Variants in AFF1 observed in about 807,000 individuals in gnomAD.
AFF1 encodes the protein ALF transcription elongation factor 1.
A neutral mutation model predicts 121.7 loss-of-function variants in AFF1; 48 were observed. The ratio of observed to expected loss-of-function variants is 0.39; its 90% CI spans 0.31 to 0.50. The LOEUF is 0.50. Among genes scored for constraint, AFF1 ranks in the 20% least tolerant of loss-of-function variants. The pLI is 0.76. For synonymous variants in AFF1, 613 were observed against 563.0 expected, an observed-to-expected ratio of 1.09 and a Z score of -1.26; for missense variants, 1,523 against 1,511.7, an observed-to-expected ratio of 1.01 and a Z score of -0.12.
chr4:86,940,979 T>C (rs768561809), intron 1 of AFF1, among the ~76,000 whole-genome samples: 2 of 151,922 alleles, frequency 1.3e-5, no homozygotes, highest in Non-Finnish European at 1.5e-5. Context: ...TCCCAGCTAC[T>C]TGGGAGGCTG....
At chr4:87,057,896 C>G (rs1720311500) in intron 4 of AFF1, among the ~76,000 whole-genome samples, 1 of 151,922 alleles carries the variant, frequency 6.6e-6, no homozygotes, top group African/African-American at 2.4e-5. Flanking sequence ...CTTCAACATC[C>G]CCCCGCCCAC....
intron 2 of AFF1, among the ~76,000 whole-genome samples, chr4:86,971,192 A>G (rs1560509258): frequency 6.6e-6 from 1 of 152,240 alleles, no homozygotes; most frequent in Non-Finnish European, 1.5e-5. Flanking sequence ...GCACAGGAAC[A>G]TAAAACACTG....
At chr4:87,007,411 G>C in intron 2 of AFF1, 1 of 1,614,110 alleles carries the variant, frequency 6.2e-7, no homozygotes. Context: ...CTGAATTATG[G>C]CAGCCCAGTC....
intron 5 of AFF1, among the ~76,000 whole-genome samples, chr4:87,089,226 G>GT (rs1724052267): frequency 6.6e-6 from 1 of 152,146 alleles, no homozygotes; most frequent in Admixed American, 6.5e-5. Flanking sequence ...GTTTGTGTGT[G>GT]TATGTGTATT....
At chr4:86,949,180 ATT>A (rs34958148) in intron 2 of AFF1, among the ~76,000 whole-genome samples, 23,527 of 137,580 alleles carry the variant, frequency 0.17, 2,094 homozygotes, top group East Asian at 0.31. Flanking sequence ...ATATATATAT[ATT>A]TTTTTTTTTT....
chr4:86,949,504 C>A (rs973290630), intron 2 of AFF1, among the ~76,000 whole-genome samples: 20 of 146,006 alleles, frequency 1.4e-4, no homozygotes, highest in Non-Finnish European at 2.9e-4. Context: ...TTACTTTTAT[C>A]ATAATTTCTA....
At chr4:86,973,040 C>CA (rs1219154208) in intron 2 of AFF1, among the ~76,000 whole-genome samples, 19 of 152,150 alleles carry the variant, frequency 1.2e-4, no homozygotes, top group Admixed American at 3.9e-4. Context: ...TGAAAAAGGA[C>CA]AATCTCTGGG....
chr4:87,116,710 G>GT (rs1402478329), intron 12 of AFF1, among the ~76,000 whole-genome samples: 1 of 152,220 alleles, frequency 6.6e-6, no homozygotes, highest in Non-Finnish European at 1.5e-5. Context: ...TTGCCGCCAT[G>GT]TTTGCAGCAG....
intron 4 of AFF1, among the ~76,000 whole-genome samples, chr4:87,069,713 C>T (rs1440910197): frequency 6.6e-6 from 1 of 151,430 alleles, no homozygotes; most frequent in Non-Finnish European, 1.5e-5. Flanking sequence ...GAAAATATAA[C>T]TTGGAGTTTT....
At chr4:86,993,833 G>T (rs1724910959) in intron 2 of AFF1, among the ~76,000 whole-genome samples, 1 of 152,148 alleles carries the variant, frequency 6.6e-6, no homozygotes, top group Non-Finnish European at 1.5e-5. Context: ...GCATGGTAAT[G>T]TGTGCCTGTA....
rs771397861 is a variant in AFF1 at position 87,029,408 on chromosome 4, G to A, written c.39-16758G>A. ...TGTTTCCTCCTTACACTGTCAGCCT[G>A]ACAGATGTCTTTTTATGTACGTAAA... On this transcript the variant is annotated intron_variant, in intron 2 of 20. Transcript: ENST00000395146. Among the ~76,000 whole-genome samples the A allele has an allele frequency of 6.6e-4, 100 of 152,176 alleles. 6 individuals are homozygous for A. Among genetic ancestry groups the A allele is most frequent in the Non-Finnish European group, 1.0e-4 (7 of 68,042 alleles).
chr4:86,958,080 CTTTTTTTTTCCTTTTTTTT>C (rs1721874598), intron 2 of AFF1, among the ~76,000 whole-genome samples: 2 of 120,960 alleles, frequency 1.7e-5, no homozygotes, highest in South Asian at 5.2e-4. Context: ...TGAACTTTTT[CTTTTTTTTTCCTTTTTTTT>C]TTTTTTTTTT....
intron 2 of AFF1, among the ~76,000 whole-genome samples, chr4:86,954,807 C>A (rs1427568768): frequency 6.6e-6 from 1 of 152,210 alleles, no homozygotes; most frequent in African/African-American, 2.4e-5. Context: ...TTCTCATCCT[C>A]TTTATGCTGA....
At chr4:87,091,753 T>G in intron 6 of AFF1, 40 bp from the exon 7 acceptor site, 2 of 1,335,450 alleles carry the variant, frequency 1.5e-6, no homozygotes, top group Non-Finnish European at 2.1e-6. Flanking sequence ...TTTATAAGCC[T>G]TAATCTTTTA....
intron 2 of AFF1, among the ~76,000 whole-genome samples, chr4:87,031,658 T>C (rs562409018): frequency 6.6e-6 from 1 of 151,590 alleles, no homozygotes; most frequent in South Asian, 2.1e-4. Context: ...GTAAATAATA[T>C]TCAAAATACA....
At chr4:86,996,268 T>G (rs1228870668) in intron 2 of AFF1, among the ~76,000 whole-genome samples, 1 of 152,086 alleles carries the variant, frequency 6.6e-6, no homozygotes, top group East Asian at 1.9e-4. Flanking sequence ...CAATGGCGGT[T>G]TTGTGGAATA....
chr4:86,969,142 C>G (rs1247160074), intron 2 of AFF1, among the ~76,000 whole-genome samples: 1 of 145,778 alleles, frequency 6.9e-6, no homozygotes, highest in Middle Eastern at 3.3e-3. Flanking sequence ...CCTGTCTTGA[C>G]CAGAGGGTGC....
At chr4:87,010,759 T>TA (rs1225500343) in intron 2 of AFF1, among the ~76,000 whole-genome samples, 1 of 152,184 alleles carries the variant, frequency 6.6e-6, no homozygotes, top group Admixed American at 6.5e-5. Flanking sequence ...AAAATATACA[T>TA]ACCTTCAAAT....
At chr4:87,063,870 T>A (rs1721069542) in intron 4 of AFF1, among the ~76,000 whole-genome samples, 1 of 152,226 alleles carries the variant, frequency 6.6e-6, no homozygotes, top group African/African-American at 2.4e-5. Flanking sequence ...TCTGTATAGA[T>A]GTTACAGCTG....
Sources: gnomAD v4.1 joint callset for allele counts (sites outside exome capture counted in the v4.1 genomes callset) on GRCh38, gnomAD v4.1.1 for gene constraint, MANE v1.5 for transcripts, NCBI Gene and HGNC (gene_info 2026-07-23, HGNC 2026-07-21) for gene names.